GNAI1: variants seen among roughly 807,000 people sequenced by gnomAD.
GNAI1 encodes guanine nucleotide-binding protein G(i) subunit alpha-1.
GNAI1 carries 11 observed loss-of-function variants against 38.9 expected under a neutral mutation model. The observed-to-expected ratio is 0.28, with a 90% CI of 0.18 to 0.47. GNAI1 has a LOEUF of 0.47. GNAI1 is among the 20% of genes least tolerant of loss of function. GNAI1 has a pLI of 0.99. For missense variants in GNAI1, 317 were observed against 436.9 expected, an observed-to-expected ratio of 0.73 and a Z score of 2.45; for synonymous variants, 166 against 145.1, an observed-to-expected ratio of 1.14 and a Z score of -1.04.
At chr7:80,188,246 A>T (rs1483559400) in intron 1 of GNAI1, among the ~76,000 whole-genome samples, 2 of 152,160 alleles carry the variant, frequency 1.3e-5, no homozygotes, top group African/African-American at 4.8e-5. Flanking sequence ...TCTTGGTGCC[A>T]CTGCTGCCTA....
chr7:80,139,033 C>CT (rs1430016697), intron 1 of GNAI1, among the ~76,000 whole-genome samples: 2 of 152,092 alleles, frequency 1.3e-5, no homozygotes, highest in Admixed American at 6.5e-5. Context: ...ATTGCTTTGA[C>CT]TTTCTTAGAA....
intron 5 of GNAI1, among the ~76,000 whole-genome samples, chr7:80,205,062 C>A (rs1309581609): frequency 6.6e-6 from 1 of 152,102 alleles, no homozygotes; most frequent in Admixed American, 6.6e-5. Flanking sequence ...TCACATGTCC[C>A]AAGTGCCAGT....
At chr7:80,195,637 A>G (rs1788555586) in intron 3 of GNAI1, among the ~76,000 whole-genome samples, 1 of 152,004 alleles carries the variant, frequency 6.6e-6, no homozygotes, top group African/African-American at 2.4e-5. Flanking sequence ...ATAAAATTCA[A>G]CAGCCCTTCA....
At chr7:80,194,407 C>T (rs889029029) in intron 3 of GNAI1, among the ~76,000 whole-genome samples, 2 of 152,004 alleles carry the variant, frequency 1.3e-5, no homozygotes, top group Non-Finnish European at 2.9e-5. Flanking sequence ...TTTAGTAAGT[C>T]AAATTTTACT....
rs1789033870 is a variant in GNAI1, at chr7:80,219,401, T to C, written c.*1908T>C. 1.3e-5 allele frequency: 2 copies of C among 152,614 alleles called. No homozygotes were observed. The highest frequency in any genetic ancestry group is 1.3e-4 in the Admixed American group (2 of 15,264). The allele number at this position is 152,614 out of a possible 1,614,324, so 9.5% of individuals were successfully genotyped here. ...CCTAATAAATTTAAATTTTTAAAATTTTACAAACCTATTGGCTAAGTACAT... is the reference window on the plus strand; with the variant it reads ...CCTAATAAATTTAAATTTTTAAAATCTTACAAACCTATTGGCTAAGTACAT... On this transcript the variant is annotated 3_prime_UTR_variant, in exon 8 of 8. Transcript: ENST00000649796.
At chr7:80,152,825 C>T (rs1407438436) in intron 1 of GNAI1, among the ~76,000 whole-genome samples, 1 of 151,986 alleles carries the variant, frequency 6.6e-6, no homozygotes, top group East Asian at 1.9e-4. Context: ...CCCGCCTCGG[C>T]CTCCCAAAGT....
chr7:80,208,118 G>C (rs911652937), intron 5 of GNAI1, among the ~76,000 whole-genome samples: 2 of 152,078 alleles, frequency 1.3e-5, no homozygotes, highest in African/African-American at 4.8e-5. Flanking sequence ...CTAGTCTAAG[G>C]CATAAATCAT....
intron 1 of GNAI1, among the ~76,000 whole-genome samples, chr7:80,155,442 T>C (rs1421051702): frequency 2.0e-5 from 3 of 152,190 alleles, no homozygotes; most frequent in Non-Finnish European, 2.9e-5. Context: ...TAATATTAAA[T>C]AGAGTTTTCA....
In GNAI1 at chr7:80,211,072, C is replaced by G; in HGVS notation, c.694C>G (p.Leu232Val). 4 of 1,613,364 alleles carry G rather than the reference C, an allele frequency of 2.5e-6. No homozygotes were observed. Among genetic ancestry groups the G allele is most frequent in the Non-Finnish European group, 3.4e-6 (4 of 1,179,422 alleles). ...IFCVALSDYD[L>V]VLAEDEEMNR... ...CTGTGTAGCACTGAGTGACTACGAC[C>G]TGGTTCTAGCTGAAGATGAAGAAAT... Residue 232 changes from leucine (L) to valine (V), a missense_variant, in exon 6 of 8, where the codon CTG becomes GTG. By Grantham distance (32) the Leu-to-Val change is conservative. This residue lies in a region of GNAI1 where 158 missense variants were observed against 234.7 expected (regional missense o/e 0.67). Coordinates refer to ENST00000649796, the MANE Select transcript of GNAI1 (RefSeq NM_002069.6).
At chr7:80,202,179 T>C (rs747312042) in intron 4 of GNAI1, among the ~76,000 whole-genome samples, 17 of 152,238 alleles carry the variant, frequency 1.1e-4, no homozygotes, top group Non-Finnish European at 1.5e-4. Context: ...AACCTGGGCC[T>C]CCCAGGTGCA....
chr7:80,156,042 CAAAAAAAAAAA>C (rs1182960135), intron 1 of GNAI1, among the ~76,000 whole-genome samples: 1 of 68,534 alleles, frequency 1.5e-5, no homozygotes, highest in African/African-American at 4.8e-5. Flanking sequence ...GACTCTGTCT[CAAAAAAAAAAA>C]AAAAAAAAAA....
intron 1 of GNAI1, among the ~76,000 whole-genome samples, chr7:80,168,115 G>A (rs900305714): frequency 6.6e-6 from 1 of 152,096 alleles, no homozygotes; most frequent in Non-Finnish European, 1.5e-5. Context: ...GCCCTTAGCT[G>A]ACTCCATGAG....
chr7:80,209,813 G>T (rs1489646772), intron 5 of GNAI1, among the ~76,000 whole-genome samples: 1 of 152,050 alleles, frequency 6.6e-6, no homozygotes, highest in Non-Finnish European at 1.5e-5. Flanking sequence ...TTTTGTTCTT[G>T]TTTGATCGTT....
At position 80,175,622 on chromosome 7, in the gene GNAI1, A is replaced by G. The variant is rs115647861; in HGVS notation, c.119-13329A>G. Among the ~76,000 whole-genome samples the G allele has an allele frequency of 5.0e-3, 736 of 148,620 alleles. 5 individuals are homozygous for G. Among genetic ancestry groups the G allele is most frequent in the African/African-American group, 0.015 (586 of 40,072 alleles). On this transcript the variant is annotated intron_variant, in intron 1 of 7. Coordinates refer to ENST00000649796, the MANE Select transcript of GNAI1 (RefSeq NM_002069.6). ...TGCATCCAGCAAGTCTGTCAACACC[A>G]TTTTTCTAATATGTGTGCTCATTTT...
Position 80,169,187 on chromosome 7 carries a change from G to A in GNAI1, c.119-19764G>A, listed in dbSNP as rs147099913. Among the ~76,000 whole-genome samples, 17 of 152,246 alleles carry A rather than the reference G, an allele frequency of 1.1e-4. No individual in the cohort carries two copies. In the East Asian group the frequency reaches 2.1e-3, roughly 19 times the overall value. On this transcript the variant is annotated intron_variant, in intron 1 of 7. Coordinates refer to ENST00000649796, the MANE Select transcript of GNAI1 (RefSeq NM_002069.6). ...CAGATGACAATTGTAGTTAGATTCC[G>A]TAGTCTACACGTGGCTTTTGCGGTG...
intron 5 of GNAI1, 146 bp from the exon 6 acceptor site, chr7:80,210,823 A>G: frequency 1.9e-6 from 1 of 518,472 alleles, no homozygotes; most frequent in Admixed American, 4.1e-5. Context: ...AGTTTGTGAC[A>G]TTTTTTTCTC....
intron 4 of GNAI1, among the ~76,000 whole-genome samples, chr7:80,200,343 A>AAAAAAAAAAC (rs1788661408): frequency 6.6e-6 from 1 of 150,390 alleles, no homozygotes; most frequent in Admixed American, 6.6e-5. Context: ...AAAAAAAAAA[A>AAAAAAAAAAC]AAAACCTAAT....
rs190676879 is a variant in GNAI1 at position 80,161,821 on chromosome 7, A to G, written c.118+26543A>G. 1.7e-4 allele frequency among the ~76,000 whole-genome samples: 26 copies of G among 152,196 alleles called. No individual in the cohort carries two copies. The East Asian group carries it at 4.8e-3, about 28-fold the overall frequency. On this transcript the variant is annotated intron_variant, in intron 1 of 7. Coordinates refer to ENST00000649796, the MANE Select transcript of GNAI1 (RefSeq NM_002069.6). ...TCAAAAAGCTGAAATTACCCCTGAA[A>G]CTACTGGATCATGGAATTATACAGT...
chr7:80,155,474 G>C (rs1053885804), intron 1 of GNAI1, among the ~76,000 whole-genome samples: 1 of 152,138 alleles, frequency 6.6e-6, no homozygotes, highest in Non-Finnish European at 1.5e-5. Context: ...TAGGTAGTTA[G>C]AGGTTATGTT....
Sources: gnomAD v4.1 joint callset for allele counts (sites outside exome capture counted in the v4.1 genomes callset) on GRCh38, gnomAD v4.1.1 for gene constraint, gnomAD v4.1.1 regional missense constraint, MANE v1.5 for transcripts, NCBI Gene and HGNC (gene_info 2026-07-23, HGNC 2026-07-21) for gene names.